Variants in ARFGAP3 observed in about 807,000 individuals in gnomAD.
ARFGAP3 encodes the protein ADP-ribosylation factor GTPase-activating protein 3.
In ARFGAP3, 72 loss-of-function variants were observed where a neutral mutation model predicts 75.0. That is an observed-to-expected ratio of 0.96 (90% confidence interval 0.79 to 1.17). The LOEUF is 1.17. Ranked by LOEUF, ARFGAP3 falls within the 50% of genes most tolerant of loss-of-function variation. The pLI, the probability that ARFGAP3 is intolerant of heterozygous loss-of-function variation, is 0.00. For synonymous variants in ARFGAP3, 221 were observed against 217.9 expected (o/e 1.01, Z -0.13); for missense variants, 620 against 626.6 (o/e 0.99, Z 0.11).
At chr22:42,826,621 A>G (rs1275409405) in intron 7 of ARFGAP3, among the ~76,000 whole-genome samples, 1 of 151,984 alleles carries the variant, frequency 6.6e-6, no homozygotes, top group Non-Finnish European at 1.5e-5. Context: ...GCTGGTCTCG[A>G]ACTCCTGGGC....
At chr22:42,817,068 C>A (rs1925606452) in intron 11 of ARFGAP3, 74 bp downstream of exon 11, 1 of 1,057,814 alleles carries the variant, frequency 9.5e-7, no homozygotes, top group East Asian at 2.5e-5. Context: ...TCTCCTAATG[C>A]AAATAAACTA....
At chr22:42,848,849 T>A (rs1338897016) in intron 1 of ARFGAP3, among the ~76,000 whole-genome samples, 1 of 152,234 alleles carries the variant, frequency 6.6e-6, no homozygotes, top group Non-Finnish European at 1.5e-5. Context: ...CAAGGTGATC[T>A]GTGTGTCTAT....
intron 1 of ARFGAP3, among the ~76,000 whole-genome samples, chr22:42,849,768 C>T (rs1927192136): frequency 6.6e-6 from 1 of 151,864 alleles, no homozygotes; most frequent in East Asian, 1.9e-4. Context: ...GCTATGTTGC[C>T]TAAGCTGGTC....
At chr22:42,823,866 G>C in intron 7 of ARFGAP3, 164 bp from the exon 8 acceptor site, 2 of 602,030 alleles carry the variant, frequency 3.3e-6, no homozygotes, top group Non-Finnish European at 4.2e-6. Context: ...GCATATTTTG[G>C]ATTAACAGAA....
chr22:42,829,109 C>T (rs1926172543), intron 6 of ARFGAP3, among the ~76,000 whole-genome samples: 1 of 152,186 alleles, frequency 6.6e-6, no homozygotes, highest in Non-Finnish European at 1.5e-5. Flanking sequence ...TCTTTCTTCT[C>T]TTCTCTCTGA....
chr22:42,830,223 T>G (rs1181829798), intron 6 of ARFGAP3, among the ~76,000 whole-genome samples: 1 of 152,014 alleles, frequency 6.6e-6, no homozygotes, highest in South Asian at 2.1e-4. Flanking sequence ...GCTTAAGAGA[T>G]CTGCCTGCCT....
At chr22:42,838,719 T>A (rs1926646708) in intron 3 of ARFGAP3, among the ~76,000 whole-genome samples, 1 of 152,212 alleles carries the variant, frequency 6.6e-6, no homozygotes, top group African/African-American at 2.4e-5. Context: ...TTACCAGTGC[T>A]GTGCAAGATT....
rs117726387 is a variant in ARFGAP3 at position 42,841,672 on chromosome 22, C to T, written c.189-656G>A. Among the ~76,000 whole-genome samples, 176 of 152,106 alleles carry T rather than the reference C, an allele frequency of 1.2e-3. 3 individuals are homozygous for T. The East Asian group carries it at 0.029, about 25-fold the overall frequency. ...AATGTTAGAATCTTTATACTGAATC[C>T]ACAGAAATGAGCAAAAAGCAGAGGT... On this transcript the variant is annotated intron_variant, in intron 2 of 15. Transcript: ENST00000263245.
At chr22:42,847,423 C>T in intron 2 of ARFGAP3, 91 bp downstream of exon 2, 2 of 1,142,208 alleles carry the variant, frequency 1.8e-6, no homozygotes, top group Admixed American at 4.0e-5. Context: ...CAAGGCAAGA[C>T]ACTGTCTCAA....
At chr22:42,829,157 T>C in intron 6 of ARFGAP3, among the ~76,000 whole-genome samples, 1 of 152,186 alleles carries the variant, frequency 6.6e-6, no homozygotes, top group East Asian at 1.9e-4. Flanking sequence ...CAGGTAGATT[T>C]CTCATCTTAA....
At chr22:42,847,930 T>C (rs1015163944) in intron 1 of ARFGAP3, among the ~76,000 whole-genome samples, 6 of 151,278 alleles carry the variant, frequency 4.0e-5, no homozygotes, top group African/African-American at 1.5e-4. Flanking sequence ...AATGGTGCAA[T>C]CTCGGCTCAC....
At position 42,840,981 on chromosome 22, in the gene ARFGAP3, T is replaced by TGAAA; in HGVS notation, c.220_223dup (p.Gln75LeufsTer13). 1.2e-6 allele frequency: 2 copies of TGAAA among 1,614,192 alleles called. No individual in the cohort carries two copies. The highest frequency in any genetic ancestry group is 1.7e-6 in the Non-Finnish European group (2 of 1,180,010). On this transcript the variant is annotated frameshift_variant, in exon 3 of 16. Coordinates refer to ENST00000263245, the MANE Select transcript of ARFGAP3 (RefSeq NM_014570.5). LOFTEE classifies it high-confidence loss of function. The stretch of plus-strand genomic sequence containing the variant: ...TCCTCCGACTTGCATGCATCGCAAC[T>TGAAA]GAAACCATGACCAGTTGGAATCCAA...
At chr22:42,818,307 T>C (rs1925668271) in intron 9 of ARFGAP3, among the ~76,000 whole-genome samples, 1 of 152,172 alleles carries the variant, frequency 6.6e-6, no homozygotes, top group Non-Finnish European at 1.5e-5. Flanking sequence ...ATAGATCAAC[T>C]AAGGGGCTAT....
chr22:42,798,760 A>G (rs2146519587), intron 15 of ARFGAP3, among the ~76,000 whole-genome samples: 1 of 152,366 alleles, frequency 6.6e-6, no homozygotes, highest in South Asian at 2.1e-4. Flanking sequence ...AGATAATTTC[A>G]GTTTTCTTCT....
At chr22:42,821,563 C>T (rs181370507) in intron 9 of ARFGAP3, among the ~76,000 whole-genome samples, 12 of 152,322 alleles carry the variant, frequency 7.9e-5, no homozygotes, top group Admixed American at 7.2e-4. Flanking sequence ...GGACTACATT[C>T]CTTTTTGTGG....
intron 5 of ARFGAP3, 75 bp from the exon 6 acceptor site, chr22:42,831,711 A>G: frequency 1.3e-6 from 2 of 1,597,458 alleles, no homozygotes; most frequent in Admixed American, 1.8e-5. Context: ...AAGCACGGGA[A>G]AAACCTAACA....
At chr22:42,852,465 C>G (rs1927320239) in intron 1 of ARFGAP3, among the ~76,000 whole-genome samples, 1 of 151,248 alleles carries the variant, frequency 6.6e-6, no homozygotes, top group South Asian at 2.1e-4. Flanking sequence ...GTTCAAGCAA[C>G]TCTCCTGTCT....
At chr22:42,832,357 G>A (rs1926331705) in intron 5 of ARFGAP3, among the ~76,000 whole-genome samples, 1 of 151,426 alleles carries the variant, frequency 6.6e-6, no homozygotes, top group Non-Finnish European at 1.5e-5. Flanking sequence ...GTGAAACCCT[G>A]TCTCTACTAA....
intron 1 of ARFGAP3, among the ~76,000 whole-genome samples, chr22:42,850,017 A>G (rs1025369751): frequency 1.4e-4 from 21 of 152,312 alleles, no homozygotes; most frequent in African/African-American, 4.8e-4. Context: ...TGTTACTCAA[A>G]AGAATAACTT....
Sources: gnomAD v4.1 joint callset for allele counts (sites outside exome capture counted in the v4.1 genomes callset) on GRCh38, gnomAD v4.1.1 for gene constraint, MANE v1.5 for transcripts, NCBI Gene and HGNC (gene_info 2026-07-23, HGNC 2026-07-21) for gene names.